Variants in TG observed in about 807,000 individuals in gnomAD.
The protein encoded by TG is thyroglobulin.
In TG, 270 loss-of-function variants were observed where a neutral mutation model predicts 324.7. The observed-to-expected ratio is 0.83, with a 90% CI of 0.75 to 0.92. TG has a LOEUF of 0.92. Ranked by LOEUF, TG falls within the 40% of genes least tolerant of loss-of-function variation. The probability of loss-of-function intolerance (pLI) is 0.00; values close to 1 mark genes in which losing one functional copy is unlikely to be tolerated. For missense variants in TG, 3,591 were observed against 3,456.4 expected, an observed-to-expected ratio of 1.04 and a Z score of -0.98; for synonymous variants, 1,401 against 1,327.0, an observed-to-expected ratio of 1.06 and a Z score of -1.21.
At chr8:132,919,270 G>A in intron 20 of TG, 106 bp from the exon 21 acceptor site, 1 of 1,192,072 alleles carries the variant, frequency 8.4e-7, no homozygotes, top group Non-Finnish European at 1.2e-6. Context: ...TTAAATGAAT[G>A]AGCTCTTGAA....
Position 132,882,822 on chromosome 8 carries a change from A to G in TG, c.898A>G (p.Lys300Glu). 1 of 1,614,192 alleles carries G rather than the reference A, an allele frequency of 6.2e-7. No individual in the cohort carries two copies. Among genetic ancestry groups the G allele is most frequent in the Non-Finnish European group, 8.5e-7 (1 of 1,180,030 alleles). The change falls in exon 8 of 48, where the codon AAA (lysine) becomes GAA (glutamate). Residue 300 changes from lysine (K) to glutamate (E), a missense_variant. Physicochemically the swap from Lys to Glu is moderately conservative, Grantham distance 56 (BLOSUM62 1). Transcript: ENST00000220616. ...GTGTGGATTTCCTCTAGGCCCCACA[A>G]AATGTGAAGTGGAGCGGTTTACAGC... ...VISGRFRCPTKCEVERFTATS... is the reference protein window; with the variant it reads ...VISGRFRCPTECEVERFTATS...
At chr8:132,948,185 C>T (rs7832064) in intron 26 of TG, among the ~76,000 whole-genome samples, 41,763 of 151,628 alleles carry the variant, frequency 0.28, 7,097 homozygotes, top group African/African-American at 0.47. Flanking sequence ...TCCGTCCCCC[C>T]CCAAAAAAAG....
chr8:132,908,574 G>A (rs139911404), intron 18 of TG, among the ~76,000 whole-genome samples: 163 of 152,158 alleles, frequency 1.1e-3, no homozygotes, highest in African/African-American at 3.8e-3. Context: ...AACAATGTTA[G>A]TGCTTGTTCA....
rs767939489 is a variant in TG, at chr8:132,969,519, G to C, written c.5925G>C (p.Gly1975=). 6.2e-7 allele frequency: 1 copy of C among 1,613,962 alleles called. No individual in the cohort carries two copies. Among genetic ancestry groups the C allele is most frequent in the South Asian group, 1.1e-5 (1 of 91,080 alleles). Residue 1975 remains glycine (G), a synonymous_variant, in exon 32 of 48, where the codon GGG becomes GGC. Coordinates refer to ENST00000220616, the MANE Select transcript of TG (RefSeq NM_003235.5). ...YTRLPFQKLM[G]ISIRNKVPMS... ...GCCTGCCGTTCCAAAAACTGATGGG[G>C]ATATCCATTAGAAATAAAGTGCCCA...
intron 4 of TG, among the ~76,000 whole-genome samples, chr8:132,872,145 T>G (rs917474342): frequency 1.3e-5 from 2 of 152,160 alleles, no homozygotes; most frequent in African/African-American, 4.8e-5. Context: ...AGTGTTATCA[T>G]AAAAGAGTCA....
intron 10 of TG, 27 bp downstream of exon 10, chr8:132,888,595 A>ATGTGTGTG (rs3832581): frequency 4.1e-5 from 55 of 1,338,372 alleles, no homozygotes; most frequent in African/African-American, 2.5e-4. Flanking sequence ...GAAGAGTTAA[A>ATGTGTGTG]TGTGTGTGTG....
chr8:132,894,271 T>C (rs1816782491), intron 11 of TG, among the ~76,000 whole-genome samples: 1 of 152,078 alleles, frequency 6.6e-6, no homozygotes, highest in Non-Finnish European at 1.5e-5. Context: ...TTCCCTCCAT[T>C]TCCAGGGATT....
chr8:133,129,601 A>T (rs1361530572), intron 45 of TG, among the ~76,000 whole-genome samples: 1 of 151,886 alleles, frequency 6.6e-6, no homozygotes, highest in East Asian at 1.9e-4. Flanking sequence ...GGCTCAAGTG[A>T]TCCTCCTGCC....
At chr8:133,127,780 C>T (rs1250899112) in intron 45 of TG, among the ~76,000 whole-genome samples, 1 of 152,094 alleles carries the variant, frequency 6.6e-6, no homozygotes, top group Non-Finnish European at 1.5e-5. Flanking sequence ...TGTTTTCTGC[C>T]AGCTGCACCA....
chr8:133,086,804 A>G (rs974446681), intron 41 of TG, among the ~76,000 whole-genome samples: 1 of 152,200 alleles, frequency 6.6e-6, no homozygotes, highest in Non-Finnish European at 1.5e-5. Context: ...TTCCTTACAG[A>G]TGAAGAAAGT....
At chr8:132,885,129 T>TG (rs35717199) in intron 8 of TG, among the ~76,000 whole-genome samples, 41,370 of 137,478 alleles carry the variant, frequency 0.3, 6,578 homozygotes, top group Non-Finnish European at 0.39. Context: ...TTTTAAAAGT[T>TG]GGGGGGGGGG....
rs542738452 is a variant in TG, at chr8:132,908,548, G to A, written c.4002+208G>A. On this transcript the variant is annotated intron_variant, in intron 18 of 47. Transcript: ENST00000220616. ...GGGCTAGGGTCTTCCCAGGGGTCTG[G>A]CCTTAAGCTGTTAGAAACAATGTTA... Among the ~76,000 whole-genome samples, 7 of 142,480 alleles carry A rather than the reference G, an allele frequency of 4.9e-5. No homozygotes were observed. In the East Asian group the frequency reaches 1.2e-3, roughly 25 times the overall value. The allele number at this position is 142,480 out of a possible 152,430, so 93.5% of individuals were successfully genotyped here.
intron 35 of TG, chr8:133,002,346 A>G: frequency 1.0e-6 from 1 of 985,364 alleles, no homozygotes; most frequent in South Asian, 4.7e-5. Flanking sequence ...ATTTAGTTGG[A>G]CTGTCTTTAA....
At position 132,913,197 on chromosome 8, in the gene TG, G is replaced by A. The variant is rs2132393008; in HGVS notation, c.4310G>A (p.Trp1437Ter). 1 of 1,614,180 alleles carries A rather than the reference G, an allele frequency of 6.2e-7. No individual in the cohort carries two copies. Among genetic ancestry groups the A allele is most frequent in the East Asian group, 2.2e-5 (1 of 44,874 alleles). The stretch of plus-strand genomic sequence containing the variant: ...CACTTTGGCACCTCTCCCAGGACAT[G>A]GTTTGGGTGCTCGGAAGGATTCTAC... Reference protein sequence around the residue: ...GDHFGTSPRTWFGCSEGFYQV... With the variant: ...GDHFGTSPRT Residue 1437 changes from tryptophan (W) to a stop codon, truncating the protein, a stop_gained, in exon 20 of 48, where the codon TGG becomes TAG. Coordinates refer to ENST00000220616, the MANE Select transcript of TG (RefSeq NM_003235.5). LOFTEE classifies it high-confidence loss of function.
Position 132,890,350 on chromosome 8 carries a change from TG to T in TG, c.2761+1790del, listed in dbSNP as rs200158085. ...TGCCTTATAAAGAAATACCCATTTT[TG>T]GGGGGGGTGCATATTCAAACTCTTT... On this transcript the variant is annotated intron_variant, in intron 10 of 47. Coordinates refer to ENST00000220616, the MANE Select transcript of TG (RefSeq NM_003235.5). Among the ~76,000 whole-genome samples the T allele has an allele frequency of 2.7e-4, 41 of 151,880 alleles. 1 individual carries two copies. The highest frequency in any genetic ancestry group is 8.2e-4 in the African/African-American group (34 of 41,416).
In TG at chr8:133,029,894, C is replaced by T; in HGVS notation, c.7110C>T (p.Ile2370=). The change falls in exon 41 of 48, where the codon ATC becomes ATT. Residue 2370 remains isoleucine, a synonymous_variant. Transcript: ENST00000220616. ...CTCTGACCTGGGTGCAGACCCACAT[C>T]CGAGGATTTGGCGGGGACCCTCGGC... The part of the protein sequence containing the change: ...VAALTWVQTH[I]RGFGGDPRRV... 6.2e-7 allele frequency: 1 copy of T among 1,614,228 alleles called. No individual in the cohort carries two copies. The highest frequency in any genetic ancestry group is 1.3e-5 in the African/African-American group (1 of 75,050).
chr8:133,038,300 T>G (rs1837453541), intron 41 of TG: 3 of 579,700 alleles, frequency 5.2e-6, no homozygotes, highest in East Asian at 5.8e-5. Context: ...CATGTCATGA[T>G]CCAATGTTTC....
intron 41 of TG, among the ~76,000 whole-genome samples, chr8:133,086,373 A>G (rs192027705): frequency 3.3e-5 from 5 of 152,354 alleles, no homozygotes; most frequent in East Asian, 1.9e-4. Context: ...CAATAATACA[A>G]TTTCCTAAAG....
intron 41 of TG, chr8:133,038,336 C>T: frequency 1.6e-6 from 1 of 607,518 alleles, no homozygotes; most frequent in Non-Finnish European, 2.9e-6. Flanking sequence ...TGATCAGACA[C>T]CAGGGAGGGG....
Sources: allele counts gnomAD v4.1 joint callset (sites outside exome capture counted in the v4.1 genomes callset), GRCh38; gene constraint gnomAD v4.1.1; transcripts MANE v1.5; gene names NCBI Gene and HGNC (gene_info 2026-07-23, HGNC 2026-07-21).